Variants in FHIT observed in about 807,000 individuals in gnomAD.
The protein encoded by FHIT is fragile histidine triad diadenosine triphosphatase, also known as bis(5'-adenosyl)-triphosphatase.
In FHIT, 19 loss-of-function variants were observed where a neutral mutation model predicts 17.9. The observed-to-expected ratio is 1.06, with a 90% CI of 0.74 to 1.56. The LOEUF is 1.56. Ranked by LOEUF, FHIT falls within the 40% of genes most tolerant of loss-of-function variation. The pLI, the probability that FHIT is intolerant of heterozygous loss-of-function variation, is 0.00. For synonymous variants in FHIT, 81 were observed against 69.7 expected (o/e 1.16, Z -0.81); for missense variants, 248 against 189.2 (o/e 1.31, Z -1.82).
intron 2 of FHIT, among the ~76,000 whole-genome samples, chr3:61,119,306 C>T (rs2036388682): frequency 6.6e-6 from 1 of 152,100 alleles, no homozygotes; most frequent in Admixed American, 6.6e-5. Context: ...GCAACCTCCA[C>T]CTCCCAGGGT....
Position 61,227,353 on chromosome 3 carries a change from G to T in FHIT, c.-213+23948C>A, listed in dbSNP as rs184260885. On this transcript the variant is annotated intron_variant, in intron 1 of 9. Transcript: ENST00000492590. ...CTCTGTCCTATCTTGCCACATAAGG[G>T]CAAAAGTTAATCATAATCACATTTT... Among the ~76,000 whole-genome samples, 6 of 152,130 alleles carry T rather than the reference G, an allele frequency of 3.9e-5. No individual in the cohort carries two copies. The East Asian group carries it at 1.2e-3, about 29-fold the overall frequency.
At chr3:61,164,932 C>G (rs750659719) in intron 2 of FHIT, among the ~76,000 whole-genome samples, 25 of 152,144 alleles carry the variant, frequency 1.6e-4, no homozygotes, top group Admixed American at 5.2e-4. Flanking sequence ...AGGATAATGG[C>G]CTCCAGTTGC....
intron 4 of FHIT, among the ~76,000 whole-genome samples, chr3:60,787,337 C>A (rs1700618807): frequency 6.6e-6 from 1 of 152,226 alleles, no homozygotes; most frequent in Non-Finnish European, 1.5e-5. Context: ...CTTCTGAGCA[C>A]TGCTCAAATG....
chr3:60,801,397 G>C (rs572030003), intron 4 of FHIT, among the ~76,000 whole-genome samples: 2 of 152,318 alleles, frequency 1.3e-5, no homozygotes, highest in African/African-American at 2.4e-5. Flanking sequence ...AGGGAGACAA[G>C]AGGATGTGAG....
intron 5 of FHIT, among the ~76,000 whole-genome samples, chr3:60,504,071 G>C (rs1474047313): frequency 6.6e-6 from 1 of 152,100 alleles, no homozygotes; most frequent in Non-Finnish European, 1.5e-5. Context: ...CAGAAAAAAA[G>C]AATTGTGAAG....
At chr3:60,564,308 C>A (rs2037057442) in intron 4 of FHIT, among the ~76,000 whole-genome samples, 1 of 152,138 alleles carries the variant, frequency 6.6e-6, no homozygotes. Flanking sequence ...TGATGATGTA[C>A]CTGGTCACCC....
chr3:59,788,590 A>G (rs542396387), intron 8 of FHIT, among the ~76,000 whole-genome samples: 1 of 152,216 alleles, frequency 6.6e-6, no homozygotes, highest in East Asian at 1.9e-4. Context: ...GCCCTCTCCT[A>G]TACAGTACTT....
At chr3:59,929,605 C>A (rs78990982) in intron 7 of FHIT, among the ~76,000 whole-genome samples, 2,909 of 152,016 alleles carry the variant, frequency 0.019, 112 homozygotes, top group African/African-American at 0.067. Context: ...AAACTCCCAA[C>A]CTCAGGTGAT....
chr3:60,034,631 T>C (rs1193519062), intron 5 of FHIT, among the ~76,000 whole-genome samples: 2 of 152,210 alleles, frequency 1.3e-5, no homozygotes, highest in African/African-American at 4.8e-5. Flanking sequence ...ATTATATCAT[T>C]TGGAAAGAAA....
chr3:60,960,456 G>T (rs1041432627), intron 3 of FHIT, among the ~76,000 whole-genome samples: 7 of 152,082 alleles, frequency 4.6e-5, no homozygotes, highest in African/African-American at 7.2e-5. Flanking sequence ...AAGTTCTAGG[G>T]TACATGTGCA....
At chr3:60,000,000 C>A (rs909108920) in intron 7 of FHIT, among the ~76,000 whole-genome samples, 1 of 152,186 alleles carries the variant, frequency 6.6e-6, no homozygotes, top group Admixed American at 6.5e-5. Context: ...CAGCTTCTTT[C>A]TGTCTCTGCC....
intron 3 of FHIT, among the ~76,000 whole-genome samples, chr3:60,861,247 T>TGATACATATCATATAC (rs1559782143): frequency 1.2e-5 from 1 of 85,214 alleles, no homozygotes; most frequent in African/African-American, 5.3e-5. Context: ...ATATCATATA[T>TGATACATATCATATAC]GATACATATG....
At chr3:59,774,093 A>C (rs1702195452) in intron 8 of FHIT, among the ~76,000 whole-genome samples, 1 of 152,198 alleles carries the variant, frequency 6.6e-6, no homozygotes, top group East Asian at 1.9e-4. Context: ...TATTTTGGAC[A>C]GGGCTGCCCT....
chr3:60,962,819 G>A (rs1213578741), intron 3 of FHIT, among the ~76,000 whole-genome samples: 1 of 152,138 alleles, frequency 6.6e-6, no homozygotes, highest in African/African-American at 2.4e-5. Context: ...TGTCCTGCTG[G>A]ATTTGTTTTG....
intron 4 of FHIT, among the ~76,000 whole-genome samples, chr3:60,568,557 T>C (rs1204354594): frequency 1.3e-5 from 2 of 151,912 alleles, no homozygotes; most frequent in Non-Finnish European, 2.9e-5. Flanking sequence ...TGTATACATA[T>C]GTAACTAACC....
intron 8 of FHIT, among the ~76,000 whole-genome samples, chr3:59,882,921 T>C (rs1703469236): frequency 6.6e-6 from 1 of 152,228 alleles, no homozygotes; most frequent in Non-Finnish European, 1.5e-5. Flanking sequence ...ATGACTATGC[T>C]GTTCGGAGGA....
intron 4 of FHIT, among the ~76,000 whole-genome samples, chr3:60,673,325 T>G (rs1211764409): frequency 6.6e-5 from 10 of 152,276 alleles, no homozygotes; most frequent in African/African-American, 2.4e-4. Flanking sequence ...TAGGTTTTGT[T>G]TATGCAGCCA....
At chr3:61,151,043 T>C (rs1462657624) in intron 2 of FHIT, among the ~76,000 whole-genome samples, 2 of 152,246 alleles carry the variant, frequency 1.3e-5, no homozygotes, top group East Asian at 3.8e-4. Flanking sequence ...AAATTACTGA[T>C]TAAAATTATT....
At chr3:60,463,725 AC>A (rs1190702073) in intron 5 of FHIT, among the ~76,000 whole-genome samples, 2 of 152,182 alleles carry the variant, frequency 1.3e-5, no homozygotes, top group Non-Finnish European at 2.9e-5. Context: ...AATCAAAAAA[AC>A]TTAGACCAGT....
Sources: allele counts gnomAD v4.1 joint callset (sites outside exome capture counted in the v4.1 genomes callset), GRCh38; gene constraint gnomAD v4.1.1; transcripts MANE v1.5; gene names NCBI Gene and HGNC (gene_info 2026-07-23, HGNC 2026-07-21).